Variants in BTBD7 observed in about 807,000 individuals in gnomAD.
BTBD7 encodes the protein BTB/POZ domain-containing protein 7.
Under a neutral mutation model 99.9 loss-of-function variants are expected in BTBD7, and 38 were observed. That is an observed-to-expected ratio of 0.38 (90% CI 0.29 to 0.50). The LOEUF (loss-of-function observed/expected upper bound fraction) is 0.50, where lower values mean the gene tolerates loss of function less well. Among genes scored for constraint, BTBD7 ranks in the 20% least tolerant of loss-of-function variants. BTBD7 has a pLI of 0.93. For missense variants in BTBD7, 1,170 were observed against 1,394.6 expected (o/e 0.84, Z 2.57); for synonymous variants, 520 against 511.4 (o/e 1.02, Z -0.23).
chr14:93,276,947 C>A (rs549654373), intron 3 of BTBD7, among the ~76,000 whole-genome samples: 1 of 137,216 alleles, frequency 7.3e-6, no homozygotes, highest in East Asian at 2.1e-4. Flanking sequence ...TGTCACCCAG[C>A]CTGGAGTGCA....
intron 1 of BTBD7, among the ~76,000 whole-genome samples, chr14:93,305,197 G>A (rs553282760): frequency 1.2e-4 from 18 of 152,280 alleles, no homozygotes; most frequent in Admixed American, 9.2e-4. Flanking sequence ...TAAATTTTCA[G>A]TGAAAAAGTT....
At chr14:93,264,518 A>G (rs955701241) in intron 3 of BTBD7, among the ~76,000 whole-genome samples, 1 of 152,222 alleles carries the variant, frequency 6.6e-6, no homozygotes, top group Non-Finnish European at 1.5e-5. Context: ...TCTGAGCTTA[A>G]TTCTGGCAAA....
intron 1 of BTBD7, 64 bp downstream of exon 1, chr14:93,332,756 C>G: frequency 1.4e-6 from 2 of 1,439,404 alleles, no homozygotes; most frequent in South Asian, 1.4e-5. Flanking sequence ...CTCTCCCGGA[C>G]GCCCCGCGCC....
intron 1 of BTBD7, among the ~76,000 whole-genome samples, chr14:93,308,280 C>T (rs1473082163): frequency 7.5e-6 from 1 of 133,548 alleles, no homozygotes; most frequent in East Asian, 2.2e-4. Flanking sequence ...GAGCCAGACT[C>T]GGTCTCCAAA....
In BTBD7 at chr14:93,306,425, A is replaced by C. The variant is rs376306586; in HGVS notation, c.-106-10268T>G. ...TCCAGACTAGCCTGGGCAACAAAAC[A>C]ACCTCATCTCTCTTTAAAAAAAAAA... On this transcript the variant is annotated intron_variant, in intron 1 of 10. Transcript: ENST00000334746. Among the ~76,000 whole-genome samples, 26 of 150,368 alleles carry C rather than the reference A, an allele frequency of 1.7e-4. 1 individual carries two copies. In the East Asian group the frequency reaches 2.7e-3, roughly 16 times the overall value.
At chr14:93,310,994 A>G (rs917580575) in intron 1 of BTBD7, among the ~76,000 whole-genome samples, 4 of 152,162 alleles carry the variant, frequency 2.6e-5, no homozygotes, top group Non-Finnish European at 4.4e-5. Context: ...AAAAAAACTC[A>G]TCAACTATTC....
At chr14:93,265,056 G>A (rs951520555) in intron 3 of BTBD7, among the ~76,000 whole-genome samples, 1 of 152,122 alleles carries the variant, frequency 6.6e-6, no homozygotes, top group African/African-American at 2.4e-5. Flanking sequence ...GTCTGAAATC[G>A]TGTCACTACA....
chr14:93,294,885 G>C lies in BTBD7; in HGVS notation c.135C>G (p.Ser45Arg). The change falls in exon 3 of 11, where the codon AGC becomes AGG. Residue 45 changes from serine (S) to arginine (R), a missense_variant. By Grantham distance (110) the Ser-to-Arg change is moderately radical. This residue lies in a region of BTBD7 where 359 missense variants were observed against 497.9 expected (regional missense o/e 0.72). Transcript: ENST00000334746. ...QGYGCESKLY[S>R]LDHGHEKPQD... ...GTGGTTTCTCATGGCCATGGTCAAG[G>C]CTATACAACTTTGATTCGCAACCAT... The C allele has an allele frequency of 3.1e-6, 5 of 1,609,228 alleles. No individual in the cohort carries two copies. The highest frequency in any genetic ancestry group is 4.2e-6 in the Non-Finnish European group (5 of 1,178,926).
chr14:93,300,208 G>A (rs2052977233), intron 1 of BTBD7, among the ~76,000 whole-genome samples: 3 of 150,974 alleles, frequency 2.0e-5, no homozygotes, highest in South Asian at 2.1e-4. Context: ...AAGTTGTACG[G>A]TTTATTAGTT....
At chr14:93,319,770 T>G (rs1191602953) in intron 1 of BTBD7, among the ~76,000 whole-genome samples, 1 of 152,154 alleles carries the variant, frequency 6.6e-6, no homozygotes, top group East Asian at 1.9e-4. Context: ...ATTGTATACT[T>G]AAAAATTTGT....
chr14:93,312,859 A>G lies in BTBD7; in HGVS notation c.-106-16702T>C, dbSNP rs190953613. ...CCTCTCCTTTGTATGTAAGCCCCCAATAAAACCCCACATCTCTTTTGCCGG... is the reference window on the plus strand; with the variant it reads ...CCTCTCCTTTGTATGTAAGCCCCCAGTAAAACCCCACATCTCTTTTGCCGG... On this transcript the variant is annotated intron_variant, in intron 1 of 10. Coordinates refer to ENST00000334746, the MANE Select transcript of BTBD7 (RefSeq NM_001002860.4). 1.6e-3 allele frequency among the ~76,000 whole-genome samples: 236 copies of G among 148,734 alleles called. 1 individual carries two copies. Among genetic ancestry groups the G allele is most frequent in the Admixed American group, 2.6e-3 (39 of 14,762 alleles).
At chr14:93,304,337 A>G (rs908219909) in intron 1 of BTBD7, among the ~76,000 whole-genome samples, 1 of 152,178 alleles carries the variant, frequency 6.6e-6, no homozygotes, top group African/African-American at 2.4e-5. Flanking sequence ...ATGAGTCTAG[A>G]TTTGAGTTTA....
intron 1 of BTBD7, among the ~76,000 whole-genome samples, chr14:93,323,843 TA>T (rs1399301739): frequency 8.5e-5 from 13 of 152,186 alleles, no homozygotes; most frequent in Non-Finnish European, 1.8e-4. Flanking sequence ...AGAAACTCTT[TA>T]AAAAACTGCT....
At position 93,270,249 on chromosome 14, in the gene BTBD7, C is replaced by A. The variant is rs537699181; in HGVS notation, c.1163-6256G>T. On this transcript the variant is annotated intron_variant, in intron 3 of 10. Transcript: ENST00000334746. ...TAGCTGGGATTACAGGCGCCTGCCA[C>A]AACACCCGGCTAACTTTTCTATTTT... Among the ~76,000 whole-genome samples the A allele has an allele frequency of 1.2e-4, 18 of 152,216 alleles. No homozygotes were observed. In the South Asian group the frequency reaches 3.7e-3, roughly 32 times the overall value.
chr14:93,246,298 T>TAAA lies in BTBD7; in HGVS notation c.2122-15_2122-13dup. On this transcript the variant is annotated splice_polypyrimidine_tract_variant and intron_variant, in intron 9 of 10. Coordinates refer to ENST00000334746, the MANE Select transcript of BTBD7 (RefSeq NM_001002860.4). ...AATTTGTGAGGATTCTAAAAAAGAT[T>TAAA]AAAAAAAAAAAAAAAGGACATTTAT... is the stretch of plus-strand genomic sequence containing the variant. The TAAA allele has an allele frequency of 4.5e-6, 6 of 1,345,370 alleles. No homozygotes were observed. The highest frequency in any genetic ancestry group is 5.8e-6 in the Non-Finnish European group (6 of 1,027,656). The allele number at this position is 1,345,370 out of a possible 1,614,324, so 83.3% of individuals were successfully genotyped here. A position where few individuals can be genotyped will look rare whatever the true frequency, so the allele number is the denominator to read the frequency against.
chr14:93,316,335 C>T (rs1365958815), intron 1 of BTBD7, among the ~76,000 whole-genome samples: 1 of 151,864 alleles, frequency 6.6e-6, no homozygotes, highest in East Asian at 1.9e-4. Flanking sequence ...ACAATCATAG[C>T]TCACTGTAGC....
rs1318011814 is a variant in BTBD7 at position 93,242,907 on chromosome 14, G to A, written c.2765C>T (p.Thr922Ile). Residue 922 changes from threonine to isoleucine, a missense_variant, in exon 11 of 11, where the codon ACT (threonine) becomes ATT (isoleucine). This residue lies in a region of BTBD7 where 495 missense variants were observed against 525.9 expected (regional missense o/e 0.94). Coordinates refer to ENST00000334746, the MANE Select transcript of BTBD7 (RefSeq NM_001002860.4). ...CTCTAGTGTGTGTTTTTTCCGAGAA[G>A]TGTGTGTATGTCTCTGTGGAATACA... ...LSCIPQRHTHTSRKKHTLEQK... is the reference protein window; with the variant it reads ...LSCIPQRHTHISRKKHTLEQK... 6.2e-7 allele frequency: 1 copy of A among 1,614,174 alleles called. No homozygotes were observed. Among genetic ancestry groups the A allele is most frequent in the Non-Finnish European group, 8.5e-7 (1 of 1,180,024 alleles).
chr14:93,283,810 T>C (rs8011901), intron 3 of BTBD7, among the ~76,000 whole-genome samples: 29,922 of 152,120 alleles, frequency 0.2, 4,388 homozygotes, highest in African/African-American at 0.42. Context: ...CTTCGGCCTC[T>C]GAAAGTGCTG....
chr14:93,244,855 CTTTTT>C (rs58775665), intron 10 of BTBD7, among the ~76,000 whole-genome samples: 2 of 107,472 alleles, frequency 1.9e-5, no homozygotes, highest in Non-Finnish European at 3.7e-5. Flanking sequence ...TCTTACAAAT[CTTTTT>C]TTTTTTTTTT....
Sources: allele counts gnomAD v4.1 joint callset (sites outside exome capture counted in the v4.1 genomes callset), GRCh38; gene constraint gnomAD v4.1.1; regional missense constraint gnomAD v4.1.1; transcripts MANE v1.5; gene names NCBI Gene and HGNC (gene_info 2026-07-23, HGNC 2026-07-21).